The following STK39 variants were observed in gnomAD, a reference collection of about 807,000 sequenced individuals.
STK39 encodes the protein STE20/SPS1-related proline-alanine-rich protein kinase.
A neutral mutation model predicts 77.8 loss-of-function variants in STK39; 20 were observed. The ratio of observed to expected loss-of-function variants is 0.26; its 90% CI spans 0.18 to 0.37. STK39 has a LOEUF of 0.37. STK39 is among the 10% of genes least tolerant of loss of function. STK39 has a pLI of 1.00. For synonymous variants in STK39, 246 were observed against 234.1 expected (o/e 1.05, Z -0.47); for missense variants, 479 against 656.5 (o/e 0.73, Z 2.95).
rs185070929 is a variant in STK39, at chr2:168,232,168, C to T, written c.208+15060G>A. ...GTCACAAATCACACACTTGCTGTCA[C>T]GTTTTTCACATAGTCTTCCGATGGC... On this transcript the variant is annotated intron_variant, in intron 1 of 17. Transcript: ENST00000355999. The T allele has an allele frequency of 1.5e-4, 35 of 237,372 alleles. No homozygotes were observed. In the East Asian group the frequency reaches 2.4e-3, roughly 16 times the overall value. 14.7% of individuals were successfully genotyped at this position (237,372 alleles called of 1,614,324 possible).
At chr2:168,232,682 G>A (rs1312658359) in intron 1 of STK39, among the ~76,000 whole-genome samples, 2 of 152,154 alleles carry the variant, frequency 1.3e-5, no homozygotes, top group Non-Finnish European at 2.9e-5. Context: ...GGAAGCCGAG[G>A]CAGGCAAATC....
chr2:168,024,750 T>C (rs1055990284), intron 14 of STK39, among the ~76,000 whole-genome samples: 19 of 152,346 alleles, frequency 1.2e-4, no homozygotes, highest in African/African-American at 4.6e-4. Context: ...CTTGATGTTT[T>C]ACATATGTTA....
intron 2 of STK39, among the ~76,000 whole-genome samples, chr2:168,170,479 C>T (rs1057167871): frequency 6.6e-6 from 1 of 152,310 alleles, no homozygotes; most frequent in Admixed American, 6.5e-5. Context: ...TAAAGCGGTG[C>T]TTCCCTAATT....
chr2:168,040,526 A>G (rs555496068), intron 14 of STK39, among the ~76,000 whole-genome samples: 1 of 152,324 alleles, frequency 6.6e-6, no homozygotes, highest in African/African-American at 2.4e-5. Context: ...AACTTTAGGA[A>G]TTCCCTACTG....
intron 1 of STK39, among the ~76,000 whole-genome samples, chr2:168,235,116 C>T (rs1257230675): frequency 1.3e-5 from 2 of 151,558 alleles, no homozygotes; most frequent in African/African-American, 4.9e-5. Context: ...TGGCTCACTG[C>T]AACCACCGCT....
At chr2:168,090,773 C>T (rs796881879) in intron 10 of STK39, among the ~76,000 whole-genome samples, 8 of 152,290 alleles carry the variant, frequency 5.3e-5, no homozygotes, top group African/African-American at 1.9e-4. Flanking sequence ...CATCACCGGC[C>T]TTTTCGCTGT....
chr2:168,214,430 T>C (rs1689974503), intron 1 of STK39, among the ~76,000 whole-genome samples: 1 of 152,132 alleles, frequency 6.6e-6, no homozygotes, highest in African/African-American at 2.4e-5. Flanking sequence ...TTTAATTCCA[T>C]TTGTATTCTG....
At chr2:168,121,449 T>G (rs1445544594) in intron 10 of STK39, among the ~76,000 whole-genome samples, 1 of 152,244 alleles carries the variant, frequency 6.6e-6, no homozygotes, top group African/African-American at 2.4e-5. Context: ...GAGGGTTTAC[T>G]GTAGTGAAAG....
intron 10 of STK39, among the ~76,000 whole-genome samples, chr2:168,087,806 C>A (rs1686408017): frequency 1.3e-5 from 2 of 152,166 alleles, no homozygotes; most frequent in Non-Finnish European, 2.9e-5. Flanking sequence ...CCCCCCATAA[C>A]AGAATATGTT....
At chr2:168,114,755 C>T (rs889189624) in intron 10 of STK39, among the ~76,000 whole-genome samples, 1 of 152,078 alleles carries the variant, frequency 6.6e-6, no homozygotes, top group African/African-American at 2.4e-5. Flanking sequence ...CCTGGCACCG[C>T]ATGAATGGCT....
chr2:168,206,426 A>C (rs1351977370), intron 1 of STK39, among the ~76,000 whole-genome samples: 1 of 150,658 alleles, frequency 6.6e-6, no homozygotes, highest in East Asian at 2.0e-4. Context: ...TCAGCCTCCC[A>C]AGTCATTGGG....
At chr2:168,189,588 G>A (rs1175323734) in intron 1 of STK39, among the ~76,000 whole-genome samples, 1 of 152,146 alleles carries the variant, frequency 6.6e-6, no homozygotes, top group African/African-American at 2.4e-5. Context: ...CACCAGATGA[G>A]TTGCATGTGT....
chr2:168,113,091 C>T (rs1310806425), intron 10 of STK39: 3 of 151,694 alleles, frequency 2.0e-5, no homozygotes, highest in Non-Finnish European at 4.4e-5. Context: ...TTTCCCAGCC[C>T]TCTTCTCCAT....
At chr2:167,986,644 C>T (rs932668227) in intron 16 of STK39, among the ~76,000 whole-genome samples, 2 of 152,002 alleles carry the variant, frequency 1.3e-5, no homozygotes, top group African/African-American at 4.8e-5. Flanking sequence ...TGAGTGAAAT[C>T]GATGTCACAT....
At chr2:168,241,755 A>C (rs927349998) in intron 1 of STK39, among the ~76,000 whole-genome samples, 4 of 152,244 alleles carry the variant, frequency 2.6e-5, no homozygotes, top group African/African-American at 7.2e-5. Flanking sequence ...AATGAAGTCT[A>C]TAGAAGTTAT....
chr2:168,179,350 G>A (rs532440433), intron 2 of STK39, among the ~76,000 whole-genome samples: 1 of 152,280 alleles, frequency 6.6e-6, no homozygotes, highest in African/African-American at 2.4e-5. Flanking sequence ...CAATAACTGG[G>A]CCACAGAAGC....
At chr2:168,057,415 A>C (rs549772044) in intron 14 of STK39, among the ~76,000 whole-genome samples, 206 of 152,128 alleles carry the variant, frequency 1.4e-3, no homozygotes, top group Non-Finnish European at 2.5e-3. Context: ...CTGATCTCGA[A>C]CTCCTGACCT....
intron 1 of STK39, among the ~76,000 whole-genome samples, chr2:168,236,375 C>T (rs1258147491): frequency 6.6e-6 from 1 of 151,632 alleles, no homozygotes; most frequent in African/African-American, 2.4e-5. Context: ...GAGTAGATTG[C>T]AAAAATTTTC....
At chr2:168,180,588 G>C (rs1031295959) in intron 2 of STK39, among the ~76,000 whole-genome samples, 5 of 152,136 alleles carry the variant, frequency 3.3e-5, no homozygotes, top group Admixed American at 1.3e-4. Flanking sequence ...AAGTTTAGTG[G>C]CAGAAGCAGG....
Sources: gnomAD v4.1 joint callset for allele counts (sites outside exome capture counted in the v4.1 genomes callset) on GRCh38, gnomAD v4.1.1 for gene constraint, MANE v1.5 for transcripts, NCBI Gene and HGNC (gene_info 2026-07-23, HGNC 2026-07-21) for gene names.